The following RNF38 variants were observed in gnomAD, a reference collection of about 807,000 sequenced individuals.
The protein encoded by RNF38 is E3 ubiquitin-protein ligase RNF38.
A neutral mutation model predicts 67.2 loss-of-function variants in RNF38; 15 were observed. The ratio of observed to expected loss-of-function variants is 0.22; its 90% CI spans 0.15 to 0.34. RNF38 has a LOEUF of 0.34. Among genes scored for constraint, RNF38 ranks in the 10% least tolerant of loss-of-function variants. The pLI is 1.00. For synonymous variants in RNF38, 220 were observed against 218.8 expected (o/e 1.01, Z -0.05); for missense variants, 524 against 639.9 (o/e 0.82, Z 1.95).
chr9:36,410,614 GA>G (rs568209784), intron 2 of RNF38, among the ~76,000 whole-genome samples: 151 of 152,342 alleles, frequency 9.9e-4, no homozygotes, highest in Middle Eastern at 3.4e-3. Flanking sequence ...GAATCAGGCA[GA>G]ACCGAGGCAG....
At chr9:36,424,141 A>G (rs933037884) in intron 2 of RNF38, among the ~76,000 whole-genome samples, 12 of 152,198 alleles carry the variant, frequency 7.9e-5, no homozygotes, top group Non-Finnish European at 1.5e-5. Flanking sequence ...ACAATCCCCA[A>G]TATTTAAACT....
chr9:36,370,141 T>C (rs1017972648), intron 3 of RNF38, among the ~76,000 whole-genome samples: 5 of 152,222 alleles, frequency 3.3e-5, no homozygotes, highest in African/African-American at 1.2e-4. Flanking sequence ...AGTATTGGTA[T>C]TCATCTCTGA....
At chr9:36,447,746 T>C (rs1458834959) in intron 1 of RNF38, among the ~76,000 whole-genome samples, 1 of 152,198 alleles carries the variant, frequency 6.6e-6, no homozygotes, top group Non-Finnish European at 1.5e-5. Context: ...AATGGCCAAC[T>C]ACCATTTGCT....
At chr9:36,372,661 G>A (rs1835476617) in intron 3 of RNF38, 1 of 583,888 alleles carries the variant, frequency 1.7e-6, no homozygotes. Context: ...CACTAGGAGA[G>A]CCAGTTTTCA....
chr9:36,337,802 C>T lies in RNF38; in HGVS notation c.*1950G>A, dbSNP rs1331688455. 2 of 152,624 alleles carry T rather than the reference C, an allele frequency of 1.3e-5. No individual in the cohort carries two copies. Among genetic ancestry groups the T allele is most frequent in the Non-Finnish European group, 2.9e-5 (2 of 68,044 alleles). The allele number at this position is 152,624 out of a possible 1,614,324, so 9.5% of individuals were successfully genotyped here. On this transcript the variant is annotated 3_prime_UTR_variant, in exon 12 of 12. Transcript: ENST00000259605. ...AAGTAACATGTGCATTAACCATGTGCATTTTTACCACTATTTAGAAGTATT... is the reference window on the plus strand; with the variant it reads ...AAGTAACATGTGCATTAACCATGTGTATTTTTACCACTATTTAGAAGTATT...
chr9:36,440,573 A>G (rs1162417496), intron 1 of RNF38, among the ~76,000 whole-genome samples: 1 of 152,106 alleles, frequency 6.6e-6, no homozygotes, highest in Non-Finnish European at 1.5e-5. Flanking sequence ...AAAGTTACTG[A>G]CATGGAAAAG....
intron 6 of RNF38, 138 bp from the exon 7 acceptor site, chr9:36,353,469 G>A (rs1833853467): frequency 3.9e-6 from 2 of 510,518 alleles, no homozygotes; most frequent in Non-Finnish European, 6.5e-6. Flanking sequence ...ATATTCACAT[G>A]AATCTAAAAT....
chr9:36,465,376 C>T (rs752328806), intron 1 of RNF38, among the ~76,000 whole-genome samples: 2 of 152,004 alleles, frequency 1.3e-5, no homozygotes, highest in African/African-American at 2.4e-5. Context: ...GATGGAGTTT[C>T]GCTCTTGTTG....
At chr9:36,414,317 TTG>T (rs1838404581) in intron 2 of RNF38, among the ~76,000 whole-genome samples, 1 of 152,208 alleles carries the variant, frequency 6.6e-6, no homozygotes, top group South Asian at 2.1e-4. Context: ...TATTTTTTCC[TTG>T]TGTTATTGTT....
At chr9:36,401,011 C>T (rs1352304960), upstream of RNF38, 2 of 984,616 alleles carry the variant, frequency 2.0e-6, no homozygotes, top group Admixed American at 1.2e-4. Flanking sequence ...AGGCGACTCC[C>T]CTCGCCGCTA....
At chr9:36,381,888 C>T (rs1836237491) in intron 2 of RNF38, among the ~76,000 whole-genome samples, 1 of 152,178 alleles carries the variant, frequency 6.6e-6, no homozygotes, top group Admixed American at 6.5e-5. Context: ...TCAGAATAAA[C>T]CTCTTTAAAA....
chr9:36,474,041 C>T (rs576454034), intron 1 of RNF38, among the ~76,000 whole-genome samples: 6 of 149,964 alleles, frequency 4.0e-5, no homozygotes, highest in East Asian at 2.0e-4. Context: ...AGACCGGGCG[C>T]GGTGGCTCAC....
At chr9:36,472,738 C>T (rs1326267010) in intron 1 of RNF38, among the ~76,000 whole-genome samples, 1 of 152,180 alleles carries the variant, frequency 6.6e-6, no homozygotes, top group African/African-American at 2.4e-5. Flanking sequence ...AACAAGCACT[C>T]AGTTAAGATC....
intron 2 of RNF38, among the ~76,000 whole-genome samples, chr9:36,386,247 T>C (rs1400992922): frequency 1.3e-5 from 2 of 152,186 alleles, no homozygotes; most frequent in Admixed American, 1.3e-4. Flanking sequence ...TTATGGCATA[T>C]TTCTCCCCTT....
chr9:36,389,354 A>AC (rs1322938037), intron 2 of RNF38, among the ~76,000 whole-genome samples: 2 of 152,084 alleles, frequency 1.3e-5, no homozygotes, highest in Non-Finnish European at 2.9e-5. Flanking sequence ...CAAAAAAAAA[A>AC]AAAAAACCCT....
chr9:36,378,420 C>T (rs1477021400), intron 2 of RNF38, among the ~76,000 whole-genome samples: 2 of 152,094 alleles, frequency 1.3e-5, no homozygotes, highest in Admixed American at 6.5e-5. Flanking sequence ...TCATGATCTG[C>T]CCATCTCGGC....
rs377312587 is a variant in RNF38, at chr9:36,442,722, C to T, written n.242-18039G>A. Among the ~76,000 whole-genome samples, 7 of 152,218 alleles carry T rather than the reference C, an allele frequency of 4.6e-5. No individual in the cohort carries two copies. The South Asian group carries it at 8.3e-4, about 18-fold the overall frequency. ...TGAACCTGGAAAGCAGAGGTTGCAG[C>T]GAGCCGAGATCGTGCTATTGCACTC... On this transcript the variant is annotated intron_variant and non_coding_transcript_variant, in intron 1 of 3. Coordinates refer to the RNF38 transcript ENST00000488058.
In RNF38 at chr9:36,452,628, G is replaced by A. The variant is rs1839482086; in HGVS notation, n.242-27945C>T. ...AGCTCGCTGCAACCTCCACCTCCTG[G>A]TTCAAGCGACTCTCCTGCCTCAGCC... is the stretch of plus-strand genomic sequence containing the variant. On this transcript the variant is annotated intron_variant and non_coding_transcript_variant, in intron 1 of 3. Transcript: ENST00000488058. 3.3e-5 allele frequency among the ~76,000 whole-genome samples: 5 copies of A among 151,952 alleles called. No individual in the cohort carries two copies. In the South Asian group the frequency reaches 1.0e-3, roughly 32 times the overall value.
At chr9:36,345,958 C>T (rs1833197718) in intron 9 of RNF38, among the ~76,000 whole-genome samples, 1 of 152,118 alleles carries the variant, frequency 6.6e-6, no homozygotes, top group Non-Finnish European at 1.5e-5. Context: ...ACCATAAGAC[C>T]CATCGTGTCC....
Sources: allele counts gnomAD v4.1 joint callset (sites outside exome capture counted in the v4.1 genomes callset), GRCh38; gene constraint gnomAD v4.1.1; transcripts MANE v1.5; gene names NCBI Gene and HGNC (gene_info 2026-07-23, HGNC 2026-07-21).